Variants in CTNNA1 observed in about 807,000 individuals in gnomAD.
CTNNA1 encodes catenin alpha 1, also known as catenin alpha-1.
CTNNA1 carries 37 observed loss-of-function variants against 98.4 expected under a neutral mutation model. That is an observed-to-expected ratio of 0.38 (90% CI 0.29 to 0.49). The LOEUF is 0.49. Among genes scored for constraint, CTNNA1 ranks in the 20% least tolerant of loss-of-function variants. CTNNA1 has a pLI of 0.95. For synonymous variants in CTNNA1, 404 were observed against 413.2 expected (o/e 0.98, Z 0.27); for missense variants, 761 against 1,147.2 (o/e 0.66, Z 4.86).
intron 10 of CTNNA1, among the ~76,000 whole-genome samples, chr5:138,915,069 C>T (rs1490206905): frequency 6.6e-6 from 1 of 152,092 alleles, no homozygotes; most frequent in Non-Finnish European, 1.5e-5. Context: ...ATCACTTCAA[C>T]CTGGGAGGTG....
intron 7 of CTNNA1, among the ~76,000 whole-genome samples, chr5:138,885,484 T>G (rs923477056): frequency 1.3e-5 from 2 of 152,190 alleles, no homozygotes; most frequent in Non-Finnish European, 2.9e-5. Context: ...TTTTGTTCCT[T>G]TTCTTTCAAC....
chr5:138,798,486 C>G (rs1018155836), intron 3 of CTNNA1, among the ~76,000 whole-genome samples: 1 of 152,152 alleles, frequency 6.6e-6, no homozygotes, highest in Non-Finnish European at 1.5e-5. Flanking sequence ...AACAAACAAG[C>G]CTTTTGTTTT....
At chr5:138,833,852 A>T (rs943588992) in intron 7 of CTNNA1, among the ~76,000 whole-genome samples, 7 of 152,348 alleles carry the variant, frequency 4.6e-5, no homozygotes, top group African/African-American at 1.7e-4. Flanking sequence ...GATACATTTT[A>T]TCTTTGTTCT....
chr5:138,850,130 A>G (rs913628469), intron 7 of CTNNA1, among the ~76,000 whole-genome samples: 2 of 152,234 alleles, frequency 1.3e-5, no homozygotes, highest in African/African-American at 4.8e-5. Context: ...CCTCTAAAAC[A>G]ATGTTTTCCT....
intron 1 of CTNNA1, among the ~76,000 whole-genome samples, chr5:138,759,665 G>A (rs1407103310): frequency 2.0e-5 from 3 of 152,132 alleles, no homozygotes; most frequent in East Asian, 1.9e-4. Context: ...AATATTTGGA[G>A]GACAGGGTCC....
chr5:138,905,308 T>C (rs1758998293), intron 10 of CTNNA1, among the ~76,000 whole-genome samples: 1 of 152,052 alleles, frequency 6.6e-6, no homozygotes, highest in Admixed American at 6.6e-5. Flanking sequence ...GAGGAAGGTA[T>C]GGTGCCTTCC....
chr5:138,844,685 T>A (rs1762554947), intron 7 of CTNNA1, among the ~76,000 whole-genome samples: 1 of 152,228 alleles, frequency 6.6e-6, no homozygotes, highest in Non-Finnish European at 1.5e-5. Context: ...ATTGAGAAGA[T>A]CTGGCTTAGA....
At chr5:138,810,257 C>T (rs1168990266) in intron 4 of CTNNA1, 53 bp downstream of exon 4, 3 of 1,571,224 alleles carry the variant, frequency 1.9e-6, no homozygotes, top group Non-Finnish European at 2.6e-6. Flanking sequence ...AAGATTGCTA[C>T]TGGCCTTCCT....
intron 5 of CTNNA1, among the ~76,000 whole-genome samples, chr5:138,819,781 C>A (rs883333): frequency 0.74 from 111,744 of 150,508 alleles, 41,749 homozygotes; most frequent in East Asian, 0.99. Flanking sequence ...TTGTGTCCCC[C>A]CCCAAATCTC....
At chr5:138,837,570 C>G (rs1420320964) in intron 7 of CTNNA1, among the ~76,000 whole-genome samples, 1 of 136,310 alleles carries the variant, frequency 7.3e-6, no homozygotes, top group Non-Finnish European at 1.6e-5. Context: ...CTCTTCTCTT[C>G]TCCTCTCTCC....
chr5:138,881,041 G>A (rs1240263733), intron 7 of CTNNA1: 2 of 456,168 alleles, frequency 4.4e-6, no homozygotes, highest in Non-Finnish European at 8.8e-6. Flanking sequence ...ACGGTTTATA[G>A]CAGCATGTCA....
At chr5:138,925,780 CCT>C (rs1763878875) in intron 13 of CTNNA1, among the ~76,000 whole-genome samples, 1 of 152,180 alleles carries the variant, frequency 6.6e-6, no homozygotes, top group South Asian at 2.1e-4. Flanking sequence ...ATGAAGTGCC[CCT>C]CTCTTCGGAG....
At chr5:138,843,020 C>T (rs1762399185) in intron 7 of CTNNA1, among the ~76,000 whole-genome samples, 1 of 151,220 alleles carries the variant, frequency 6.6e-6, no homozygotes. Context: ...TGTTAATAAA[C>T]AGCAATAATT....
chr5:138,902,998 C>A (rs1405668542), intron 9 of CTNNA1, among the ~76,000 whole-genome samples: 1 of 151,916 alleles, frequency 6.6e-6, no homozygotes, highest in East Asian at 1.9e-4. Flanking sequence ...ATTTGTCATC[C>A]TGAAAAGAAA....
chr5:138,887,443 A>T, intron 8 of CTNNA1, 47 bp from the exon 9 acceptor site: 1 of 1,413,292 alleles, frequency 7.1e-7, no homozygotes, highest in Non-Finnish European at 9.8e-7. Flanking sequence ...TCTATTTAAT[A>T]CCTTTTTGGT....
chr5:138,873,081 G>C lies in CTNNA1; in HGVS notation c.1063-13131G>C. 1 of 1,613,656 alleles carries C rather than the reference G, an allele frequency of 6.2e-7. No individual in the cohort carries two copies. The highest frequency in any genetic ancestry group is 8.5e-7 in the Non-Finnish European group (1 of 1,179,628). On this transcript the variant is annotated intron_variant, in intron 7 of 17. Transcript: ENST00000302763. This position sits in a 1 kb window ranked among gnomAD's most constrained non-coding sequence, Gnocchi z 6.1. ...CCATAACCATTAATGATGATGAAGG[G>C]TCCTTCATGGGTGGGTTCATATTCA... is the stretch of plus-strand genomic sequence containing the variant.
chr5:138,888,893 G>T (rs896493098), intron 9 of CTNNA1, among the ~76,000 whole-genome samples: 1 of 152,076 alleles, frequency 6.6e-6, no homozygotes, highest in African/African-American at 2.4e-5. Flanking sequence ...TAGTCACATC[G>T]TGCATTACTA....
intron 9 of CTNNA1, among the ~76,000 whole-genome samples, chr5:138,889,282 T>C (rs562178572): frequency 6.6e-6 from 1 of 152,310 alleles, no homozygotes; most frequent in Non-Finnish European, 1.5e-5. Context: ...GCATCCTTTA[T>C]TAGGGCCAGC....
intron 3 of CTNNA1, among the ~76,000 whole-genome samples, chr5:138,789,686 G>A (rs1254936412): frequency 6.6e-6 from 1 of 152,154 alleles, no homozygotes; most frequent in Non-Finnish European, 1.5e-5. Context: ...TCAAACTCCT[G>A]ACCTCGTGAT....
Sources: gnomAD v4.1 joint callset for allele counts (sites outside exome capture counted in the v4.1 genomes callset) on GRCh38, gnomAD v4.1.1 for gene constraint, Gnocchi (gnomAD v3.1) non-coding constraint, MANE v1.5 for transcripts, NCBI Gene and HGNC (gene_info 2026-07-23, HGNC 2026-07-21) for gene names.